Variants in USP24 observed in about 807,000 individuals in gnomAD.
USP24 encodes ubiquitin specific peptidase 24, also known as ubiquitin carboxyl-terminal hydrolase 24.
Under a neutral mutation model 361.6 loss-of-function variants are expected in USP24, and 97 were observed. The observed-to-expected ratio is 0.27, with a 90% CI of 0.23 to 0.32. The LOEUF (loss-of-function observed/expected upper bound fraction) is 0.32, where lower values mean the gene tolerates loss of function less well. USP24 is among the 10% of genes least tolerant of loss of function. The pLI is 1.00. For missense variants in USP24, 2,353 were observed against 3,165.6 expected (o/e 0.74, Z 6.16); for synonymous variants, 1,098 against 1,124.6 (o/e 0.98, Z 0.47).
chr1:55,074,082 G>A (rs757143669), intron 63 of USP24, among the ~76,000 whole-genome samples, 176 bp from the exon 64 acceptor site: 10 of 147,476 alleles, frequency 6.8e-5, no homozygotes, highest in Admixed American at 3.4e-4. Flanking sequence ...ATTCTAATGG[G>A]TGGAAACACT....
chr1:55,072,049 T>C, intron 66 of USP24, 125 bp from the exon 67 acceptor site: 1 of 867,628 alleles, frequency 1.2e-6, no homozygotes, highest in African/African-American at 1.7e-5. Flanking sequence ...GAGGCCTTCA[T>C]CACAGTCACC....
chr1:55,191,302 C>T (rs1279277706), intron 1 of USP24, among the ~76,000 whole-genome samples: 1 of 152,042 alleles, frequency 6.6e-6, no homozygotes, highest in East Asian at 1.9e-4. Context: ...AGGCTACTTC[C>T]TAAATATGTA....
rs1322079762 is a variant in USP24 at position 55,137,837 on chromosome 1, T to G, written c.2996A>C (p.Asp999Ala). 8.8e-6 allele frequency: 14 copies of G among 1,596,240 alleles called. No homozygotes were observed. The highest frequency in any genetic ancestry group is 1.2e-5 in the Non-Finnish European group (14 of 1,170,142). The change falls in exon 27 of 68, where the codon GAT becomes GCT. Residue 999 changes from aspartate to alanine, a missense_variant. Around this residue, in one of 8 missense-constraint regions of USP24, gnomAD observed 949 missense variants for 1,280.5 expected, o/e 0.74. Transcript: ENST00000294383. ...ATCATTTGTAAATATCTGTATATTATCCACAGGAGAGCACAACTGCTTGGC... is the reference window on the plus strand; with the variant it reads ...ATCATTTGTAAATATCTGTATATTAGCCACAGGAGAGCACAACTGCTTGGC... ...KIAKQLCSPV[D>A]NIQIFTNDSL...
In USP24 at chr1:55,077,227, T is replaced by C. The variant is rs752374149; in HGVS notation, c.7380+8A>G. ...AAATAAAAGTGAGTCAGAACAGTTA[T>C]GACTTACCAATATTTCATGAAGTAG... On this transcript the variant is annotated splice_region_variant and intron_variant, in intron 62 of 67. Coordinates refer to ENST00000294383, the MANE Select transcript of USP24 (RefSeq NM_015306.3). 40 of 1,537,554 alleles carry C rather than the reference T, an allele frequency of 2.6e-5. No homozygotes were observed. Among genetic ancestry groups the C allele is most frequent in the Non-Finnish European group, 3.5e-5 (40 of 1,133,254 alleles).
chr1:55,166,158 ATAT>A lies in USP24; in HGVS notation c.862-211_862-209del, dbSNP rs571176391. On this transcript the variant is annotated intron_variant, in intron 6 of 67. Transcript: ENST00000294383. ...CCTTTGAGTTACAAACAATCCAATT[ATAT>A]TATTTAAGTTATTTAAAAATATACA... Among the ~76,000 whole-genome samples the A allele has an allele frequency of 3.0e-3, 458 of 151,988 alleles. 5 individuals carry two copies. Among genetic ancestry groups the A allele is most frequent in the African/African-American group, 0.01 (420 of 41,482 alleles).
Position 55,154,482 on chromosome 1 carries a change from G to C in USP24, c.1555-16C>G. On this transcript the variant is annotated splice_polypyrimidine_tract_variant and intron_variant, in intron 13 of 67. Transcript: ENST00000294383. ...TCTCCCAGCTCTGTAGAACGGAAAA[G>C]ACACAGGAATTGCTTCACGATCAAA... 1 of 1,548,334 alleles carries C rather than the reference G, an allele frequency of 6.5e-7. No individual in the cohort carries two copies. The highest frequency in any genetic ancestry group is 1.2e-5 in the South Asian group (1 of 83,098).
chr1:55,161,426 C>T (rs554641368), intron 8 of USP24, among the ~76,000 whole-genome samples: 1 of 150,840 alleles, frequency 6.6e-6, no homozygotes, highest in East Asian at 1.9e-4. Flanking sequence ...TTTCCAGAAC[C>T]TACTAAAAAA....
intron 67 of USP24, 135 bp downstream of exon 67, chr1:55,071,679 G>A: frequency 9.4e-7 from 1 of 1,068,482 alleles, no homozygotes. Flanking sequence ...GAGATCACTA[G>A]AGGGCAGCGC....
intron 1 of USP24, among the ~76,000 whole-genome samples, chr1:55,193,455 C>T (rs1253776112): frequency 5.3e-5 from 8 of 152,062 alleles, no homozygotes; most frequent in African/African-American, 1.9e-4. Flanking sequence ...TAGAGGGTAA[C>T]CTTCATTTAA....
intron 50 of USP24, 151 bp downstream of exon 50, chr1:55,096,347 T>C (rs1645495304): frequency 1.5e-6 from 1 of 672,310 alleles, no homozygotes; most frequent in Admixed American, 4.3e-5. Flanking sequence ...ACTTTGGTTA[T>C]TAAAGAGCTT....
At chr1:55,111,311 G>C (rs1005242774) in intron 38 of USP24, among the ~76,000 whole-genome samples, 6 of 151,998 alleles carry the variant, frequency 3.9e-5, no homozygotes, top group Admixed American at 1.3e-4. Context: ...ATATTTTTAA[G>C]AGATTCTTTA....
chr1:55,189,242 T>G (rs963902254), intron 1 of USP24, among the ~76,000 whole-genome samples: 1 of 152,208 alleles, frequency 6.6e-6, no homozygotes. Context: ...ACCAAAAGGT[T>G]TGGAAATTAT....
At chr1:55,183,038 G>T (rs1048446498) in intron 1 of USP24, among the ~76,000 whole-genome samples, 2 of 152,096 alleles carry the variant, frequency 1.3e-5, no homozygotes, top group African/African-American at 2.4e-5. Context: ...TCTAAAAATG[G>T]TCTAGCCTCT....
Position 55,071,937 on chromosome 1 carries a change from C to G in USP24, c.7690-13G>C, listed in dbSNP as rs1224086604. On this transcript the variant is annotated splice_polypyrimidine_tract_variant and intron_variant, in intron 66 of 67. Transcript: ENST00000294383. ...ACGCTAACGTGTCCTGCAGAAGATT[C>G]AAACACAAGACGACAAAGTTAGGGC... is the stretch of plus-strand genomic sequence containing the variant. 6 of 1,597,072 alleles carry G rather than the reference C, an allele frequency of 3.8e-6. No individual in the cohort carries two copies. Among genetic ancestry groups the G allele is most frequent in the Middle Eastern group, 1.6e-4 (1 of 6,062 alleles).
rs540101609 is a variant in USP24, at chr1:55,130,926, A to G, written c.3538-1352T>C. Among the ~76,000 whole-genome samples, 53 of 152,324 alleles carry G rather than the reference A, an allele frequency of 3.5e-4. No individual in the cohort carries two copies. The South Asian group carries it at 6.6e-3, about 19-fold the overall frequency. ...TTTGTGTACCTAAAGCAAAACAAAA[A>G]ATATCAAAGGAATTCACACCTACTC... On this transcript the variant is annotated intron_variant, in intron 31 of 67. Transcript: ENST00000294383.
At chr1:55,115,197 G>C (rs1308452700) in intron 38 of USP24, among the ~76,000 whole-genome samples, 2 of 151,924 alleles carry the variant, frequency 1.3e-5, no homozygotes, top group Admixed American at 6.6e-5. Flanking sequence ...CATCTTACAT[G>C]GTATCTTACA....
intron 8 of USP24, among the ~76,000 whole-genome samples, chr1:55,161,923 T>C (rs527732090): frequency 5.3e-4 from 81 of 152,180 alleles, no homozygotes; most frequent in Non-Finnish European, 1.1e-3. Context: ...ATATGCTGCC[T>C]ACTTTATAGA....
At chr1:55,091,215 G>C (rs150975200) in intron 54 of USP24, among the ~76,000 whole-genome samples, 3 of 146,412 alleles carry the variant, frequency 2.0e-5, no homozygotes, top group African/African-American at 7.4e-5. Context: ...GAACAGGGCC[G>C]CACAGCAGGA....
intron 56 of USP24, 42 bp from the exon 57 acceptor site, chr1:55,083,930 T>C: frequency 7.0e-7 from 1 of 1,421,630 alleles, no homozygotes; most frequent in South Asian, 1.3e-5. Context: ...AAAAAGAACG[T>C]AAGACAGACA....
Sources: gnomAD v4.1 joint callset for allele counts (sites outside exome capture counted in the v4.1 genomes callset) on GRCh38, gnomAD v4.1.1 for gene constraint, gnomAD v4.1.1 regional missense constraint, MANE v1.5 for transcripts, NCBI Gene and HGNC (gene_info 2026-07-23, HGNC 2026-07-21) for gene names.